The following COL4A2 variants were observed in gnomAD, a reference collection of about 807,000 sequenced individuals.
COL4A2 encodes the protein collagen type IV alpha 2 chain.
Under a neutral mutation model 200.2 loss-of-function variants are expected in COL4A2, and 99 were observed. That is an observed-to-expected ratio of 0.49 (90% confidence interval 0.42 to 0.58). The LOEUF (loss-of-function observed/expected upper bound fraction) is 0.58, where lower values mean the gene tolerates loss of function less well. COL4A2 is among the 20% of genes least tolerant of loss of function. The probability of loss-of-function intolerance (pLI) is 0.00; values close to 1 mark genes in which losing one functional copy is unlikely to be tolerated. For missense variants in COL4A2, 1,950 were observed against 2,314.1 expected, an observed-to-expected ratio of 0.84 and a Z score of 3.23; for synonymous variants, 897 against 900.6, an observed-to-expected ratio of 1.00 and a Z score of 0.07.
Position 110,512,057 on chromosome 13 carries a change from G to T in COL4A2, c.5005G>T (p.Ala1669Ser). 6.2e-7 allele frequency: 1 copy of T among 1,613,806 alleles called. No individual in the cohort carries two copies. Among genetic ancestry groups the T allele is most frequent in the Non-Finnish European group, 8.5e-7 (1 of 1,180,032 alleles). Residue 1669 changes from alanine to serine, a missense_variant, in exon 48 of 48, where the codon GCC (alanine) becomes TCC (serine). Transcript: ENST00000360467. Reference sequence around the variant, plus strand: ...AGGCCGCGGCACCTGCCACTACTACGCCAACAAGTACAGCTTCTGGCTGAC... The same window carrying T: ...AGGCCGCGGCACCTGCCACTACTACTCCAACAAGTACAGCTTCTGGCTGAC... ...NGGRGTCHYYANKYSFWLTTI... is the reference protein window; with the variant it reads ...NGGRGTCHYYSNKYSFWLTTI...
At chr13:110,357,402 A>T (rs777363416) in intron 3 of COL4A2, 70 bp from the exon 4 acceptor site, 94 of 1,539,190 alleles carry the variant, frequency 6.1e-5, no homozygotes, top group Admixed American at 2.4e-4. Context: ...TCAACAGATG[A>T]TATTTTAATA....
intron 3 of COL4A2, among the ~76,000 whole-genome samples, chr13:110,333,961 GAA>G (rs546864731): frequency 2.4e-3 from 359 of 152,320 alleles, no homozygotes; most frequent in Admixed American, 5.2e-3. Context: ...ACCGAGTCTA[GAA>G]AGTCAGGTCA....
intron 4 of COL4A2, among the ~76,000 whole-genome samples, chr13:110,387,146 A>G (rs1321123237): frequency 1.3e-5 from 2 of 152,112 alleles, no homozygotes; most frequent in Non-Finnish European, 2.9e-5. Flanking sequence ...GGCTAAGGCA[A>G]GAGAATCATT....
intron 3 of COL4A2, among the ~76,000 whole-genome samples, chr13:110,322,521 A>G (rs1885301558): frequency 6.6e-6 from 1 of 152,150 alleles, no homozygotes; most frequent in Admixed American, 6.5e-5. Flanking sequence ...CAGGGGATGG[A>G]CGCGTCAAGA....
chr13:110,327,310 G>A (rs1053079993), intron 3 of COL4A2, among the ~76,000 whole-genome samples: 4 of 152,152 alleles, frequency 2.6e-5, no homozygotes, highest in African/African-American at 4.8e-5. Flanking sequence ...TTCCCGGGGG[G>A]TCCTCACCAA....
intron 15 of COL4A2, 111 bp from the exon 16 acceptor site, chr13:110,439,678 A>G: frequency 4.5e-6 from 7 of 1,554,028 alleles, no homozygotes; most frequent in Non-Finnish European, 6.1e-6. Context: ...GACTTGTTCA[A>G]TCTGTCCATC....
intron 3 of COL4A2, among the ~76,000 whole-genome samples, chr13:110,329,773 G>C: frequency 6.6e-6 from 1 of 152,088 alleles, no homozygotes; most frequent in South Asian, 2.1e-4. Flanking sequence ...GCATCCATCT[G>C]GTATTCTCAA....
intron 4 of COL4A2, among the ~76,000 whole-genome samples, chr13:110,381,132 C>G (rs1263361691): frequency 6.6e-6 from 1 of 151,556 alleles, no homozygotes; most frequent in Non-Finnish European, 1.5e-5. Flanking sequence ...ACCAGAGGCT[C>G]TATCTCACAC....
intron 4 of COL4A2, among the ~76,000 whole-genome samples, chr13:110,423,189 T>C (rs1237641896): frequency 6.6e-6 from 1 of 152,196 alleles, no homozygotes; most frequent in East Asian, 1.9e-4. Context: ...TGGGCTAGCC[T>C]GTGAAATGTT....
chr13:110,497,895 C>T (rs1393316846), intron 40 of COL4A2, among the ~76,000 whole-genome samples: 8 of 49,134 alleles, frequency 1.6e-4, no homozygotes, highest in East Asian at 7.3e-4. Flanking sequence ...GGGGTCAGTC[C>T]ACCAGCACAG....
chr13:110,337,888 A>G (rs1389810528), intron 3 of COL4A2, among the ~76,000 whole-genome samples: 1 of 152,376 alleles, frequency 6.6e-6, no homozygotes, highest in Non-Finnish European at 1.5e-5. Context: ...AAATATATGC[A>G]GTGAGCATAT....
chr13:110,461,951 T>C (rs1047928590), intron 22 of COL4A2, 163 bp from the exon 23 acceptor site: 2 of 982,092 alleles, frequency 2.0e-6, no homozygotes, highest in Non-Finnish European at 3.0e-6. Flanking sequence ...GACAGCTGGA[T>C]GGGGGCGTAT....
intron 4 of COL4A2, among the ~76,000 whole-genome samples, chr13:110,405,417 C>T (rs760355720): frequency 8.5e-5 from 13 of 152,246 alleles, no homozygotes; most frequent in Non-Finnish European, 1.3e-4. Context: ...TAGTGGGTCC[C>T]GGTGTGGGAC....
intron 35 of COL4A2, 88 bp from the exon 36 acceptor site, chr13:110,489,623 G>C: frequency 6.3e-7 from 1 of 1,593,496 alleles, no homozygotes; most frequent in Non-Finnish European, 8.6e-7. Context: ...AATTATTCTT[G>C]TTAGGAATAT....
chr13:110,403,807 C>T lies in COL4A2; in HGVS notation c.181-20927C>T, dbSNP rs143131317. Among the ~76,000 whole-genome samples the T allele has an allele frequency of 2.9e-3, 435 of 152,302 alleles. 1 individual carries two copies. Among genetic ancestry groups the T allele is most frequent in the African/African-American group, 0.01 (420 of 41,560 alleles). ...ATACCAGTTTCTGTCTCAGTCCATT[C>T]GTAGTCCATGCTATAACAAAAATAC... On this transcript the variant is annotated intron_variant, in intron 4 of 47. Transcript: ENST00000360467.
At chr13:110,409,237 CAAG>C (rs1426467947) in intron 4 of COL4A2, among the ~76,000 whole-genome samples, 2 of 152,176 alleles carry the variant, frequency 1.3e-5, no homozygotes, top group South Asian at 2.1e-4. Flanking sequence ...AAAAATCTCA[CAAG>C]AACATCACGG....
chr13:110,430,390 T>C lies in COL4A2; in HGVS notation c.550-11T>C. ...AAGCTATCACTCTTAAAATTATTTC[T>C]TCTCCATTAGGGTGAACCTGGAGAG... On this transcript the variant is annotated splice_polypyrimidine_tract_variant and intron_variant, in intron 8 of 47. Transcript: ENST00000360467. The C allele has an allele frequency of 1.2e-6, 2 of 1,607,696 alleles. No individual in the cohort carries two copies. The highest frequency in any genetic ancestry group is 1.7e-6 in the Non-Finnish European group (2 of 1,178,502).
chr13:110,434,283 A>G (rs773649688), intron 11 of COL4A2, 118 bp from the exon 12 acceptor site: 136 of 814,736 alleles, frequency 1.7e-4, no homozygotes, highest in Non-Finnish European at 2.5e-4. Flanking sequence ...ATGCAAATAT[A>G]GTTGCTCAGT....
At chr13:110,496,154 C>G (rs1208045129) in intron 40 of COL4A2, among the ~76,000 whole-genome samples, 3 of 152,216 alleles carry the variant, frequency 2.0e-5, no homozygotes, top group Non-Finnish European at 4.4e-5. Flanking sequence ...GCACCCTGGG[C>G]TCCATGCTGG....
Sources: allele counts gnomAD v4.1 joint callset (sites outside exome capture counted in the v4.1 genomes callset), GRCh38; gene constraint gnomAD v4.1.1; transcripts MANE v1.5; gene names NCBI Gene and HGNC (gene_info 2026-07-23, HGNC 2026-07-21).